The following CUX2 variants were observed in gnomAD, a reference collection of about 807,000 sequenced individuals.
CUX2 encodes the protein homeobox protein cut-like 2.
A neutral mutation model predicts 144.8 loss-of-function variants in CUX2; 40 were observed. The ratio of observed to expected loss-of-function variants is 0.28; its 90% CI spans 0.21 to 0.36. The LOEUF is 0.36. Among genes scored for constraint, CUX2 ranks in the 10% least tolerant of loss-of-function variants. The probability of loss-of-function intolerance (pLI) is 1.00; values close to 1 mark genes in which losing one functional copy is unlikely to be tolerated. For synonymous variants in CUX2, 827 were observed against 875.6 expected, an observed-to-expected ratio of 0.94 and a Z score of 0.98; for missense variants, 1,615 against 1,994.0, an observed-to-expected ratio of 0.81 and a Z score of 3.62.
At chr12:111,205,070 A>G (rs1441843923) in intron 1 of CUX2, among the ~76,000 whole-genome samples, 1 of 152,114 alleles carries the variant, frequency 6.6e-6, no homozygotes, top group African/African-American at 2.4e-5. Flanking sequence ...GGAGTGATGG[A>G]TGGCTCTGGT....
chr12:111,113,275 C>T (rs997726623), intron 1 of CUX2, among the ~76,000 whole-genome samples: 3 of 152,184 alleles, frequency 2.0e-5, no homozygotes, highest in African/African-American at 7.2e-5. Flanking sequence ...GGCAAAGTGT[C>T]TAAGCAGGGG....
At chr12:111,048,690 A>T (rs570140106) in intron 1 of CUX2, among the ~76,000 whole-genome samples, 1 of 152,260 alleles carries the variant, frequency 6.6e-6, no homozygotes, top group Non-Finnish European at 1.5e-5. Flanking sequence ...AGGAAAGGCC[A>T]TAAAAAGATG....
chr12:111,330,688 T>TATACATATACATATAC, intron 18 of CUX2, among the ~76,000 whole-genome samples: 1 of 734 alleles, frequency 1.4e-3, no homozygotes, highest in African/African-American at 6.6e-3. Flanking sequence ...TACATATACA[T>TATACATATACATATAC]ATATATATAT....
intron 3 of CUX2, among the ~76,000 whole-genome samples, chr12:111,231,932 C>G (rs990909611): frequency 8.6e-5 from 13 of 151,954 alleles, no homozygotes; most frequent in Admixed American, 4.6e-4. Context: ...ATGGTGAAAC[C>G]CTGTCTCTAC....
chr12:111,103,649 G>A (rs1873406544), intron 1 of CUX2, among the ~76,000 whole-genome samples: 1 of 152,182 alleles, frequency 6.6e-6, no homozygotes, highest in African/African-American at 2.4e-5. Context: ...GGAGGATCTG[G>A]GGCCACTGTC....
At chr12:111,308,886 A>G (rs1340262093) in intron 14 of CUX2, among the ~76,000 whole-genome samples, 2 of 152,116 alleles carry the variant, frequency 1.3e-5, no homozygotes, top group East Asian at 1.9e-4. Context: ...GGCTGCGGAC[A>G]TGATCACCCT....
chr12:111,126,639 G>A (rs1375763707), intron 1 of CUX2, among the ~76,000 whole-genome samples: 2 of 152,210 alleles, frequency 1.3e-5, no homozygotes, highest in South Asian at 4.1e-4. Context: ...CTCACATTAG[G>A]AAGGGCTGCC....
At chr12:111,252,597 A>G (rs1477671595) in intron 3 of CUX2, among the ~76,000 whole-genome samples, 1 of 152,098 alleles carries the variant, frequency 6.6e-6, no homozygotes, top group Non-Finnish European at 1.5e-5. Context: ...TCGGGGTTTT[A>G]GGTAAGTTTG....
At chr12:111,040,927 C>T (rs764638038) in intron 1 of CUX2, among the ~76,000 whole-genome samples, 2 of 152,218 alleles carry the variant, frequency 1.3e-5, no homozygotes, top group Non-Finnish European at 2.9e-5. Flanking sequence ...CCTGGGTCTA[C>T]TGGTCTATGT....
rs143799513 is a variant in CUX2 at position 111,116,938 on chromosome 12, G to A, written c.63+82698G>A. Reference sequence around the variant, plus strand: ...TTATTATTTTCATACCACGGACTGTGACTGGCCTGAGGTTGCAGAGCTGGC... The same window carrying A: ...TTATTATTTTCATACCACGGACTGTAACTGGCCTGAGGTTGCAGAGCTGGC... On this transcript the variant is annotated intron_variant, in intron 1 of 21. Transcript: ENST00000261726. Among the ~76,000 whole-genome samples the A allele has an allele frequency of 8.7e-4, 133 of 152,334 alleles. 1 individual carries two copies. The East Asian group carries it at 0.011, about 12-fold the overall frequency.
Position 111,034,357 on chromosome 12 carries a change from C to T in CUX2, c.63+117C>T. The T allele has an allele frequency of 3.8e-6, 1 of 265,658 alleles. No individual in the cohort carries two copies. Among genetic ancestry groups the T allele is most frequent in the Non-Finnish European group, 5.9e-6 (1 of 170,634 alleles). The allele number at this position is 265,658 out of a possible 1,614,324, so 16.5% of individuals were successfully genotyped here. ...GCCCTGGGGCGGCGGGCGGCGGCTG[C>T]CGGGGCTCGCCGGGGCTCGGCCGCC... On this transcript the variant is annotated intron_variant, in intron 1 of 21. Transcript: ENST00000261726. The surrounding 1 kb of genome is among the most constrained non-coding windows in gnomAD (Gnocchi z 4.2).
chr12:111,184,561 CCTT>C (rs1160522326), intron 1 of CUX2, among the ~76,000 whole-genome samples: 1 of 140,320 alleles, frequency 7.1e-6, no homozygotes, highest in Non-Finnish European at 1.5e-5. Context: ...ACATGGCAAA[CCTT>C]CTCTCTACCA....
intron 1 of CUX2, among the ~76,000 whole-genome samples, chr12:111,133,170 C>T (rs572502156): frequency 3.4e-4 from 52 of 152,288 alleles, no homozygotes; most frequent in African/African-American, 1.2e-3. Flanking sequence ...AGGTTCCAAA[C>T]ATTTCCACAT....
At chr12:111,134,236 T>C (rs545909939) in intron 1 of CUX2, among the ~76,000 whole-genome samples, 9 of 152,184 alleles carry the variant, frequency 5.9e-5, no homozygotes, top group Non-Finnish European at 8.8e-5. Flanking sequence ...ATTGTATTCC[T>C]AGTTTGCCAA....
intron 3 of CUX2, among the ~76,000 whole-genome samples, chr12:111,234,782 G>A (rs1228077073): frequency 6.7e-6 from 1 of 149,842 alleles, no homozygotes; most frequent in African/African-American, 2.5e-5. Context: ...GCAGTGGCGT[G>A]ATCTCAGCTT....
At chr12:111,254,334 T>C (rs1883705840) in intron 3 of CUX2, among the ~76,000 whole-genome samples, 1 of 152,172 alleles carries the variant, frequency 6.6e-6, no homozygotes, top group African/African-American at 2.4e-5. Flanking sequence ...GGCATGCACA[T>C]AGTAGGTGCT....
chr12:111,044,210 A>G (rs572782399), intron 1 of CUX2, among the ~76,000 whole-genome samples: 2 of 152,194 alleles, frequency 1.3e-5, no homozygotes, highest in East Asian at 1.9e-4. Context: ...AAGAAATGGG[A>G]TTGGGACATC....
intron 3 of CUX2, among the ~76,000 whole-genome samples, chr12:111,225,724 C>T (rs2094940657): frequency 2.6e-5 from 4 of 152,224 alleles, no homozygotes. Context: ...GAGCTCATCA[C>T]TCAGCCAGGC....
At chr12:111,323,103 G>A (rs1013952600) in intron 18 of CUX2, among the ~76,000 whole-genome samples, 6 of 152,204 alleles carry the variant, frequency 3.9e-5, no homozygotes, top group Non-Finnish European at 5.9e-5. Flanking sequence ...GTGCTAGGGG[G>A]AGCCCCAGCT....
Sources: allele counts gnomAD v4.1 joint callset (sites outside exome capture counted in the v4.1 genomes callset), GRCh38; gene constraint gnomAD v4.1.1; non-coding constraint Gnocchi (gnomAD v3.1); transcripts MANE v1.5; gene names NCBI Gene and HGNC (gene_info 2026-07-23, HGNC 2026-07-21).